SRPK2: variants seen among roughly 807,000 people sequenced by gnomAD.
The protein encoded by SRPK2 is SFRS protein kinase 2.
A neutral mutation model predicts 90.8 loss-of-function variants in SRPK2; 21 were observed. The observed-to-expected ratio is 0.23, with a 90% confidence interval of 0.16 to 0.33. SRPK2 has a LOEUF of 0.33. Among genes scored for constraint, SRPK2 ranks in the 10% least tolerant of loss-of-function variants. SRPK2 has a pLI of 1.00. For missense variants in SRPK2, 620 were observed against 869.0 expected, an observed-to-expected ratio of 0.71 and a Z score of 3.60; for synonymous variants, 288 against 311.1, an observed-to-expected ratio of 0.93 and a Z score of 0.78.
At chr7:105,316,841 G>A (rs748525946) in intron 2 of SRPK2, among the ~76,000 whole-genome samples, 19 of 152,156 alleles carry the variant, frequency 1.2e-4, no homozygotes, top group Admixed American at 1.2e-3. Context: ...TATGACCTTA[G>A]GCAAGCTATT....
At chr7:105,118,845 A>C (rs1799927953) in intron 15 of SRPK2, among the ~76,000 whole-genome samples, 1 of 152,156 alleles carries the variant, frequency 6.6e-6, no homozygotes, top group African/African-American at 2.4e-5. Context: ...CAGGAGGTCA[A>C]GGCTGCAGTG....
At chr7:105,181,645 T>C (rs981464432) in intron 3 of SRPK2, among the ~76,000 whole-genome samples, 8 of 151,986 alleles carry the variant, frequency 5.3e-5, no homozygotes, top group East Asian at 1.9e-4. Flanking sequence ...CATGTTCCCA[T>C]GTATAAGTGG....
chr7:105,283,398 A>G (rs1563189837), intron 2 of SRPK2, among the ~76,000 whole-genome samples: 1 of 152,268 alleles, frequency 6.6e-6, no homozygotes, highest in Non-Finnish European at 1.5e-5. Context: ...TCATATGTCC[A>G]TCAATTGAGG....
intron 2 of SRPK2, chr7:105,298,816 G>A: frequency 1.0e-6 from 1 of 985,226 alleles, no homozygotes; most frequent in Non-Finnish European, 1.2e-6. Context: ...GCTTCACGCA[G>A]CCCTGCATCA....
intron 2 of SRPK2, among the ~76,000 whole-genome samples, chr7:105,362,304 G>A (rs1422462238): frequency 2.0e-5 from 3 of 152,074 alleles, no homozygotes; most frequent in Non-Finnish European, 1.5e-5. Context: ...TTAGAATGGC[G>A]ATCATTAAAA....
intron 1 of SRPK2, among the ~76,000 whole-genome samples, chr7:105,398,628 G>C (rs547718335): frequency 6.6e-6 from 1 of 152,252 alleles, no homozygotes; most frequent in East Asian, 1.9e-4. Context: ...CCTTTTAAAA[G>C]CACCTCCAAG....
intron 11 of SRPK2, among the ~76,000 whole-genome samples, chr7:105,141,520 C>A (rs1803772397): frequency 6.6e-6 from 1 of 152,138 alleles, no homozygotes; most frequent in African/African-American, 2.4e-5. Context: ...AATTACAATC[C>A]TGGGCCAGTT....
At chr7:105,232,384 G>A (rs373682496) in intron 2 of SRPK2, among the ~76,000 whole-genome samples, 6 of 151,214 alleles carry the variant, frequency 4.0e-5, no homozygotes, top group African/African-American at 1.2e-4. Flanking sequence ...GCTTGAACAC[G>A]GGAGGCAAAG....
intron 2 of SRPK2, among the ~76,000 whole-genome samples, chr7:105,255,084 T>C (rs76786708): frequency 2.9e-5 from 4 of 139,680 alleles, no homozygotes; most frequent in African/African-American, 1.0e-4. Context: ...GCTCAGTGCC[T>C]TATCATCATT....
In SRPK2 at chr7:105,142,496, G is replaced by C; in HGVS notation, c.1061-6C>G. The C allele has an allele frequency of 6.3e-7, 1 of 1,597,798 alleles. No individual in the cohort carries two copies. The highest frequency in any genetic ancestry group is 8.5e-7 in the Non-Finnish European group (1 of 1,174,234). On this transcript the variant is annotated splice_polypyrimidine_tract_variant and splice_region_variant and intron_variant, in intron 10 of 15. Coordinates refer to ENST00000393651, the MANE Select transcript of SRPK2 (RefSeq NM_182692.3). Reference sequence around the variant, plus strand: ...TTCCTGGTCCTCAGCTTCACCTTAAGAATTTGATGGGTCAAGAATTAGAAC... The same window carrying C: ...TTCCTGGTCCTCAGCTTCACCTTAACAATTTGATGGGTCAAGAATTAGAAC...
chr7:105,269,086 A>C lies in SRPK2; in HGVS notation c.72-65301T>G, dbSNP rs1355125362. The C allele has an allele frequency of 1.9e-5, 23 of 1,193,610 alleles. No individual in the cohort carries two copies. The Admixed American group carries it at 7.5e-4, about 39-fold the overall frequency. 73.9% of individuals were successfully genotyped at this position (1,193,610 alleles called of 1,614,324 possible). A position where few individuals can be genotyped will look rare whatever the true frequency, so the allele number is the denominator to read the frequency against. On this transcript the variant is annotated intron_variant, in intron 2 of 15. Transcript: ENST00000393651. ...TATGCACATGACTGTTTATGAAAGC[A>C]GGAAGTACCATTTCTTTAAAGCAGA...
chr7:105,310,644 AAAATAAAT>A (rs72019024), intron 2 of SRPK2, among the ~76,000 whole-genome samples: 3 of 150,344 alleles, frequency 2.0e-5, no homozygotes, highest in Admixed American at 6.6e-5. Flanking sequence ...ACCTTGTCTC[AAAATAAAT>A]AAATAAATAA....
At chr7:105,196,531 G>A (rs1398129928) in intron 3 of SRPK2, among the ~76,000 whole-genome samples, 1 of 152,152 alleles carries the variant, frequency 6.6e-6, no homozygotes, top group Non-Finnish European at 1.5e-5. Flanking sequence ...CAGCATCCCT[G>A]GCTCTGCCCA....
intron 3 of SRPK2, among the ~76,000 whole-genome samples, chr7:105,181,960 G>A (rs1792908404): frequency 6.6e-6 from 1 of 151,546 alleles, no homozygotes; most frequent in African/African-American, 2.4e-5. Flanking sequence ...CAGGCGCGGG[G>A]GCTCACGCCT....
At chr7:105,368,296 C>T (rs1819307852) in intron 2 of SRPK2, among the ~76,000 whole-genome samples, 1 of 152,200 alleles carries the variant, frequency 6.6e-6, no homozygotes, top group Admixed American at 6.6e-5. Context: ...TTCCATCCCA[C>T]TCTCATAGAT....
At chr7:105,200,225 A>C (rs1041149746) in intron 3 of SRPK2, among the ~76,000 whole-genome samples, 4 of 152,134 alleles carry the variant, frequency 2.6e-5, no homozygotes, top group African/African-American at 9.7e-5. Flanking sequence ...GCTTGAACCC[A>C]GGAGGTGGAG....
intron 2 of SRPK2, among the ~76,000 whole-genome samples, chr7:105,374,142 G>T (rs908927715): frequency 1.3e-5 from 2 of 151,872 alleles, no homozygotes; most frequent in South Asian, 4.2e-4. Context: ...GGCCAGGCTG[G>T]TCTCAAACTC....
At chr7:105,294,369 C>T (rs1809495489) in intron 2 of SRPK2, among the ~76,000 whole-genome samples, 1 of 152,128 alleles carries the variant, frequency 6.6e-6, no homozygotes, top group Non-Finnish European at 1.5e-5. Context: ...TTTGTCGATC[C>T]AGTTCCCTAA....
At chr7:105,289,038 C>G (rs1808570884) in intron 2 of SRPK2, among the ~76,000 whole-genome samples, 1 of 141,742 alleles carries the variant, frequency 7.1e-6, no homozygotes, top group African/African-American at 2.6e-5. Flanking sequence ...AGGCAGATCA[C>G]AAGGTCAGGA....
Sources: allele counts gnomAD v4.1 joint callset (sites outside exome capture counted in the v4.1 genomes callset), GRCh38; gene constraint gnomAD v4.1.1; transcripts MANE v1.5; gene names NCBI Gene and HGNC (gene_info 2026-07-23, HGNC 2026-07-21).